The following CSMD3 variants were observed in gnomAD, a reference collection of about 807,000 sequenced individuals.
CSMD3 encodes CUB and sushi domain-containing protein 3.
Under a neutral mutation model 435.2 loss-of-function variants are expected in CSMD3, and 177 were observed. The ratio of observed to expected loss-of-function variants is 0.41; its 90% CI spans 0.36 to 0.46. The LOEUF (loss-of-function observed/expected upper bound fraction) is 0.46, where lower values mean the gene tolerates loss of function less well. Ranked by LOEUF, CSMD3 falls within the 20% of genes least tolerant of loss-of-function variation. CSMD3 has a pLI of 0.34. For missense variants in CSMD3, 4,265 were observed against 4,504.6 expected (o/e 0.95, Z 1.52); for synonymous variants, 1,656 against 1,520.5 (o/e 1.09, Z -2.07).
chr8:112,576,312 A>G (rs1173533508), intron 23 of CSMD3, among the ~76,000 whole-genome samples: 1 of 152,096 alleles, frequency 6.6e-6, no homozygotes, highest in African/African-American at 2.4e-5. Context: ...ATTACTTGAT[A>G]CATATAAATT....
At chr8:112,244,333 G>C (rs948214509) in intron 65 of CSMD3, 61 bp downstream of exon 65, 69 of 1,410,932 alleles carry the variant, frequency 4.9e-5, no homozygotes, top group Non-Finnish European at 6.7e-5. Context: ...TTTTTGTCTG[G>C]AGCAAAGGAA....
At chr8:112,348,291 C>A (rs578170491) in intron 40 of CSMD3, among the ~76,000 whole-genome samples, 36 of 152,088 alleles carry the variant, frequency 2.4e-4, no homozygotes, top group African/African-American at 8.7e-4. Context: ...TAGGGACAAC[C>A]ATACCTTAGT....
At chr8:112,506,088 A>C (rs1235242067) in intron 29 of CSMD3, among the ~76,000 whole-genome samples, 1 of 152,104 alleles carries the variant, frequency 6.6e-6, no homozygotes, top group Non-Finnish European at 1.5e-5. Flanking sequence ...CTGGCATAAA[A>C]CTAAAATTAT....
Position 112,648,588 on chromosome 8 carries a change from C to T in CSMD3, c.3193+1573G>A, listed in dbSNP as rs548810870. On this transcript the variant is annotated intron_variant, in intron 19 of 70. Transcript: ENST00000297405. ...TAAGAATTTTGGATATGGAATATAACGTGAAATAACCTTAGTGAGAAACAT... is the reference window on the plus strand; with the variant it reads ...TAAGAATTTTGGATATGGAATATAATGTGAAATAACCTTAGTGAGAAACAT... 1.1e-4 allele frequency among the ~76,000 whole-genome samples: 16 copies of T among 152,122 alleles called. 2 individuals carry two copies. The highest frequency in any genetic ancestry group is 8.8e-5 in the Non-Finnish European group (6 of 67,996).
At chr8:113,108,972 C>G (rs957485558) in intron 4 of CSMD3, among the ~76,000 whole-genome samples, 1 of 152,116 alleles carries the variant, frequency 6.6e-6, no homozygotes. Context: ...AGAGCTAAGT[C>G]TAACTCAAAC....
chr8:112,233,892 A>G (rs922282497), intron 68 of CSMD3, among the ~76,000 whole-genome samples: 3 of 152,292 alleles, frequency 2.0e-5, no homozygotes, highest in African/African-American at 7.2e-5. Context: ...TATATAAAAT[A>G]GTCTAAATTC....
At chr8:113,063,108 A>G (rs1020375007) in intron 5 of CSMD3, among the ~76,000 whole-genome samples, 2 of 151,696 alleles carry the variant, frequency 1.3e-5, no homozygotes, top group African/African-American at 4.8e-5. Context: ...CATTCCCTAC[A>G]AATATTTTAC....
intron 38 of CSMD3, among the ~76,000 whole-genome samples, chr8:112,366,277 T>C (rs563606146): frequency 1.3e-5 from 2 of 152,252 alleles, no homozygotes; most frequent in Non-Finnish European, 2.9e-5. Context: ...AACCAAAGCT[T>C]TTGCAGGAAA....
chr8:112,570,098 C>T (rs142919375), intron 24 of CSMD3, among the ~76,000 whole-genome samples: 72 of 151,186 alleles, frequency 4.8e-4, no homozygotes, highest in African/African-American at 1.7e-3. Flanking sequence ...GATTTAAACA[C>T]GAAATCCTGA....
At chr8:113,194,982 CT>C (rs1282840501) in intron 3 of CSMD3, among the ~76,000 whole-genome samples, 3 of 151,112 alleles carry the variant, frequency 2.0e-5, no homozygotes, top group Non-Finnish European at 4.5e-5. Flanking sequence ...TCAATTGCCC[CT>C]GATCTCTTCC....
At chr8:113,053,510 T>C (rs1483211904) in intron 5 of CSMD3, among the ~76,000 whole-genome samples, 1 of 152,038 alleles carries the variant, frequency 6.6e-6, no homozygotes, top group Non-Finnish European at 1.5e-5. Context: ...TGACCTTTGA[T>C]CCATGAGATC....
chr8:113,431,596 G>A (rs1340256105), intron 1 of CSMD3, among the ~76,000 whole-genome samples: 2 of 152,172 alleles, frequency 1.3e-5, no homozygotes, highest in East Asian at 1.9e-4. Flanking sequence ...TGATAAGTAA[G>A]TAGAAGAGAA....
At chr8:112,224,968 T>C (rs1418757655) in intron 70 of CSMD3, 38 bp from the exon 71 acceptor site, 6 of 1,602,334 alleles carry the variant, frequency 3.7e-6, no homozygotes, top group Non-Finnish European at 5.1e-6. Context: ...GTGTTAACTT[T>C]CTTCCAGAAA....
At chr8:112,518,387 AG>A (rs1823904970) in intron 27 of CSMD3, among the ~76,000 whole-genome samples, 1 of 152,014 alleles carries the variant, frequency 6.6e-6, no homozygotes, top group African/African-American at 2.4e-5. Flanking sequence ...GCATGCCTGC[AG>A]TCCCAGCTAC....
chr8:112,617,847 C>T (rs1015527663), intron 22 of CSMD3, among the ~76,000 whole-genome samples: 2 of 152,112 alleles, frequency 1.3e-5, no homozygotes, highest in Admixed American at 6.6e-5. Flanking sequence ...ATGTTTTTAA[C>T]AAGCCATTTC....
At chr8:113,243,265 C>G (rs1369195502) in intron 3 of CSMD3, among the ~76,000 whole-genome samples, 2 of 151,846 alleles carry the variant, frequency 1.3e-5, no homozygotes, top group Non-Finnish European at 2.9e-5. Flanking sequence ...AAACTTTGCC[C>G]TTTTAAAACA....
intron 5 of CSMD3, among the ~76,000 whole-genome samples, chr8:113,061,191 A>G (rs1022934071): frequency 6.6e-6 from 1 of 151,978 alleles, no homozygotes; most frequent in African/African-American, 2.4e-5. Flanking sequence ...TCTCTGATCT[A>G]TTGTGTTGTT....
At position 112,945,765 on chromosome 8, in the gene CSMD3, T is replaced by C. The variant is rs2083590489; in HGVS notation, c.1508+2025A>G. Among the ~76,000 whole-genome samples the C allele has an allele frequency of 3.3e-5, 5 of 151,694 alleles. No homozygotes were observed. In the South Asian group the frequency reaches 1.0e-3, roughly 32 times the overall value. ...AAATATTTGGTTTCTCCTTATTTCC[T>C]CTACTTCATTCTATTATTTTCTCCT... On this transcript the variant is annotated intron_variant, in intron 9 of 70. Coordinates refer to ENST00000297405, the MANE Select transcript of CSMD3 (RefSeq NM_198123.2).
intron 3 of CSMD3, among the ~76,000 whole-genome samples, chr8:113,198,593 GT>G (rs537049656): frequency 4.0e-5 from 6 of 148,458 alleles, no homozygotes; most frequent in South Asian, 4.3e-4. Context: ...TTTTGTTTTT[GT>G]TTTTTTTTAA....
Sources: allele counts gnomAD v4.1 joint callset (sites outside exome capture counted in the v4.1 genomes callset), GRCh38; gene constraint gnomAD v4.1.1; transcripts MANE v1.5; gene names NCBI Gene and HGNC (gene_info 2026-07-23, HGNC 2026-07-21).